The following CEP63 variants were observed in gnomAD, a reference collection of about 807,000 sequenced individuals.
The protein encoded by CEP63 is centrosomal protein of 63 kDa.
In CEP63, 84 loss-of-function variants were observed where a neutral mutation model predicts 89.1. The observed-to-expected ratio is 0.94, with a 90% CI of 0.79 to 1.13. The LOEUF (loss-of-function observed/expected upper bound fraction) is 1.13, where lower values mean the gene tolerates loss of function less well. Ranked by LOEUF, CEP63 falls within the 50% of genes most tolerant of loss-of-function variation. CEP63 has a pLI of 0.00. For missense variants in CEP63, 838 were observed against 813.3 expected (o/e 1.03, Z -0.37); for synonymous variants, 267 against 272.5 (o/e 0.98, Z 0.20).
chr3:134,748,972 C>T, the CEP63 span, among the ~76,000 whole-genome samples: 2 of 152,104 alleles, frequency 1.3e-5, no homozygotes, highest in Non-Finnish European at 2.9e-5. Context: ...GTTCAGGGAA[C>T]CACTTGCAGG....
At chr3:134,700,683 A>T in the CEP63 span, among the ~76,000 whole-genome samples, 1 of 152,230 alleles carries the variant, frequency 6.6e-6, no homozygotes, top group South Asian at 2.1e-4. Context: ...CATATCACAG[A>T]TTAGATCAAA....
At chr3:134,504,780 G>A (rs187551656) in intron 2 of CEP63, among the ~76,000 whole-genome samples, 2 of 152,076 alleles carry the variant, frequency 1.3e-5, no homozygotes, top group Admixed American at 1.3e-4. Flanking sequence ...TGCCATGTAG[G>A]CTTTCTTTTT....
chr3:134,567,471 A>C (rs867502255), downstream of CEP63, among the ~76,000 whole-genome samples: 2,418 of 151,442 alleles, frequency 0.016, 54 homozygotes, highest in African/African-American at 0.054. Context: ...TGTTACCAAA[A>C]AAAAAAAAAA....
chr3:134,620,601 A>G, the CEP63 span: 7 of 615,408 alleles, frequency 1.1e-5, no homozygotes, highest in Admixed American at 5.6e-5. Flanking sequence ...CTCCTTGGTT[A>G]CTCTCTGGTT....
intron 3 of CEP63, among the ~76,000 whole-genome samples, chr3:134,528,394 C>A: frequency 6.6e-6 from 1 of 152,096 alleles, no homozygotes; most frequent in Non-Finnish European, 1.5e-5. Flanking sequence ...AAACCTTGGT[C>A]AAAGAACTCT....
chr3:134,558,092 C>A (rs897277218), intron 12 of CEP63, 50 bp from the exon 13 acceptor site: 32 of 1,450,410 alleles, frequency 2.2e-5, no homozygotes, highest in Non-Finnish European at 2.8e-5. Context: ...TATCACAGAT[C>A]ACAGGTATTC....
At chr3:134,547,572 A>C (rs1165300040) in intron 9 of CEP63, 100 bp downstream of exon 9, 2 of 967,212 alleles carry the variant, frequency 2.1e-6, no homozygotes, top group African/African-American at 3.4e-5. Flanking sequence ...AAAAAAAATA[A>C]GATTTTTTTC....
chr3:134,629,718 A>G, the CEP63 span: 2 of 1,509,172 alleles, frequency 1.3e-6, no homozygotes, highest in Non-Finnish European at 1.8e-6. Flanking sequence ...AGGAGATGAC[A>G]TTCTCAACCA....
chr3:134,687,181 C>G, the CEP63 span, among the ~76,000 whole-genome samples: 3 of 152,216 alleles, frequency 2.0e-5, no homozygotes, highest in Non-Finnish European at 4.4e-5. Flanking sequence ...ATTGTACCAA[C>G]TTTGGTCACC....
At chr3:134,751,037 G>C in the CEP63 span, among the ~76,000 whole-genome samples, 1 of 152,192 alleles carries the variant, frequency 6.6e-6, no homozygotes, top group Non-Finnish European at 1.5e-5. Flanking sequence ...CCCATTAACT[G>C]TCTGAATAGA....
At chr3:134,651,105 G>A in the CEP63 span, 2 of 1,511,098 alleles carry the variant, frequency 1.3e-6, no homozygotes, top group African/African-American at 1.4e-5. Context: ...GCCGCAGGGC[G>A]CTGCTTTTCG....
At chr3:134,778,853 C>T in the CEP63 span, among the ~76,000 whole-genome samples, 5 of 152,290 alleles carry the variant, frequency 3.3e-5, no homozygotes, top group Middle Eastern at 3.4e-3. Context: ...AGCCACCGCG[C>T]GGCCATTTTT....
chr3:134,747,204 G>A, the CEP63 span, among the ~76,000 whole-genome samples: 10 of 152,124 alleles, frequency 6.6e-5, no homozygotes, highest in African/African-American at 2.4e-4. Flanking sequence ...TCTTGTTTTT[G>A]TCAGGTTTGT....
chr3:134,686,398 T>C, the CEP63 span, among the ~76,000 whole-genome samples: 1 of 152,172 alleles, frequency 6.6e-6, no homozygotes, highest in South Asian at 2.1e-4. Context: ...CGGGAGGGGC[T>C]GGAGAGCTCA....
the CEP63 span, among the ~76,000 whole-genome samples, chr3:134,754,820 C>T: frequency 3.3e-5 from 5 of 152,200 alleles, no homozygotes; most frequent in Admixed American, 3.3e-4. Context: ...CTAACCATGA[C>T]TCCTAGATAG....
Position 134,549,070 on chromosome 3 carries a change from CTG to C in CEP63, c.1079_1080del (p.Val360GlufsTer5), listed in dbSNP as rs759538320. 3 of 1,608,476 alleles carry C rather than the reference CTG, an allele frequency of 1.9e-6. No homozygotes were observed. The highest frequency in any genetic ancestry group is 2.6e-6 in the Non-Finnish European group (3 of 1,175,164). On this transcript the variant is annotated frameshift_variant, in exon 10 of 15. Transcript: ENST00000675561. LOFTEE classifies it high-confidence loss of function. ...TTATTTTTGTCATACAGTTTGGAAT[CTG>C]TGAGTGCAACGTGTAAACAGCTGAG...
the CEP63 span, among the ~76,000 whole-genome samples, chr3:134,606,441 C>T: frequency 2.0e-5 from 3 of 152,150 alleles, no homozygotes; most frequent in Non-Finnish European, 2.9e-5. Context: ...TCCCTCCCCA[C>T]CACTTCCCCC....
In CEP63 at chr3:134,509,157, T is replaced by G. The variant is rs539828375; in HGVS notation, c.222+1871T>G. 2.0e-5 allele frequency among the ~76,000 whole-genome samples: 3 copies of G among 152,244 alleles called. No individual in the cohort carries two copies. In the South Asian group the frequency reaches 6.2e-4, roughly 32 times the overall value. On this transcript the variant is annotated intron_variant, in intron 3 of 14. Coordinates refer to ENST00000675561, the MANE Select transcript of CEP63 (RefSeq NM_001353108.3). ...TGGGTAATTTATAAAGGAAAGAGGT[T>G]TAATTGGCTCACAGTTCTGTAGAAA...
At chr3:134,677,442 C>A in the CEP63 span, among the ~76,000 whole-genome samples, 4 of 152,180 alleles carry the variant, frequency 2.6e-5, no homozygotes, top group African/African-American at 9.7e-5. Context: ...TGGCCACATG[C>A]AGCAGGTGCA....
Sources: gnomAD v4.1 joint callset for allele counts (sites outside exome capture counted in the v4.1 genomes callset) on GRCh38, gnomAD v4.1.1 for gene constraint, MANE v1.5 for transcripts, NCBI Gene and HGNC (gene_info 2026-07-23, HGNC 2026-07-21) for gene names.